DAGLB: variants seen among roughly 807,000 people sequenced by gnomAD.
DAGLB encodes diacylglycerol lipase beta.
Under a neutral mutation model 72.1 loss-of-function variants are expected in DAGLB, and 66 were observed. The observed-to-expected ratio is 0.92, with a 90% confidence interval of 0.75 to 1.12. DAGLB has a LOEUF of 1.12. DAGLB is among the 50% of genes most tolerant of loss of function. The pLI is 0.00. For synonymous variants in DAGLB, 414 were observed against 359.5 expected, an observed-to-expected ratio of 1.15 and a Z score of -1.71; for missense variants, 1,065 against 884.9, an observed-to-expected ratio of 1.20 and a Z score of -2.58.
rs1188261202 is a variant in DAGLB at position 6,425,866 on chromosome 7, G to T, written c.1056+122C>A. 19 of 1,493,304 alleles carry T rather than the reference G, an allele frequency of 1.3e-5. 1 individual carries two copies. The South Asian group carries it at 2.2e-4, about 17-fold the overall frequency. 92.5% of individuals were successfully genotyped at this position (1,493,304 alleles called of 1,614,324 possible). ...GTGGCCCCTCTGAAATAGTACACAG[G>T]ACTTAGAAGTGTGTTTGTGTGTCTA... On this transcript the variant is annotated intron_variant, in intron 7 of 14. Coordinates refer to ENST00000297056, the MANE Select transcript of DAGLB (RefSeq NM_139179.4).
chr7:6,413,236 A>G (rs1783792620), intron 11 of DAGLB, among the ~76,000 whole-genome samples: 1 of 152,310 alleles, frequency 6.6e-6, no homozygotes, highest in Non-Finnish European at 1.5e-5. Flanking sequence ...TGTGTTCAAC[A>G]GAGACGCCCC....
At chr7:6,416,810 A>T in intron 10 of DAGLB, 31 bp downstream of exon 10, 1 of 1,614,224 alleles carries the variant, frequency 6.2e-7, no homozygotes, top group Non-Finnish European at 8.5e-7. Context: ...TCCAAAGAGG[A>T]CAAGGAAAGA....
Position 6,434,785 on chromosome 7 carries a change from C to T in DAGLB, c.655G>A (p.Glu219Lys). The T allele has an allele frequency of 6.2e-7, 1 of 1,614,202 alleles. No individual in the cohort carries two copies. Among genetic ancestry groups the T allele is most frequent in the Non-Finnish European group, 8.5e-7 (1 of 1,180,046 alleles). ...HTRVAFSSTA[E>K]LFSTYFSDTD... ...ACTGAAAAGTAGGTTGAGAAAAGCT[C>T]TGCCGTACTCGAAAAAGCAACCCGA... Residue 219 changes from glutamate (E) to lysine (K), a missense_variant, in exon 4 of 15, where the codon GAG (glutamate) becomes AAG (lysine). Glu to Lys is a moderately conservative substitution (Grantham distance 56, BLOSUM62 1). Coordinates refer to ENST00000297056, the MANE Select transcript of DAGLB (RefSeq NM_139179.4).
At chr7:6,410,865 C>T (rs569393686) in intron 13 of DAGLB, among the ~76,000 whole-genome samples, 58 of 150,830 alleles carry the variant, frequency 3.8e-4, no homozygotes, top group African/African-American at 1.2e-3. Flanking sequence ...CCACCATGCC[C>T]GGCTAATTTT....
chr7:6,441,295 G>A (rs1784823515), intron 2 of DAGLB, among the ~76,000 whole-genome samples: 1 of 150,658 alleles, frequency 6.6e-6, no homozygotes, highest in Non-Finnish European at 1.5e-5. Context: ...GTTTCACCAT[G>A]TTAGCCAGGA....
chr7:6,409,720 G>A lies in DAGLB; in HGVS notation c.*117C>T, dbSNP rs956556175. The stretch of plus-strand genomic sequence containing the variant: ...AGACCATGGAATTCTGTTCCCATCC[G>A]ATTCCTGTTGATGGACATTCGCTGT... On this transcript the variant is annotated 3_prime_UTR_variant, in exon 15 of 15. Transcript: ENST00000297056. 2.1e-5 allele frequency: 25 copies of A among 1,173,172 alleles called. No homozygotes were observed. The highest frequency in any genetic ancestry group is 1.7e-4 in the African/African-American group (11 of 64,956). The allele number at this position is 1,173,172 out of a possible 1,614,324, so 72.7% of individuals were successfully genotyped here. A position where few individuals can be genotyped will look rare whatever the true frequency, so the allele number is the denominator to read the frequency against.
chr7:6,444,595 C>T (rs1363545982), intron 2 of DAGLB, among the ~76,000 whole-genome samples: 1 of 151,882 alleles, frequency 6.6e-6, no homozygotes, highest in Non-Finnish European at 1.5e-5. Context: ...GAGGGAGACT[C>T]TATCTCAAAA....
At position 6,426,027 on chromosome 7, in the gene DAGLB, C is replaced by T; in HGVS notation, c.1017G>A (p.Leu339=). 1 of 1,614,142 alleles carries T rather than the reference C, an allele frequency of 6.2e-7. No individual in the cohort carries two copies. The highest frequency in any genetic ancestry group is 8.5e-7 in the Non-Finnish European group (1 of 1,180,006). ...TGACGTGGATGAAGTCCCTGTACTG[C>T]AGCCCTGTGGTGTGCAGGATGGAGC... is the stretch of plus-strand genomic sequence containing the variant. The part of the protein sequence containing the change: ...HFGSILHTTG[L]QYRDFIHVSF... Residue 339 remains leucine (L), a synonymous_variant, in exon 7 of 15, where the codon CTG becomes CTA. Transcript: ENST00000297056.
chr7:6,410,755 C>G (rs546931031), intron 13 of DAGLB, among the ~76,000 whole-genome samples: 3 of 152,296 alleles, frequency 2.0e-5, no homozygotes, highest in Admixed American at 2.0e-4. Context: ...TTTCTATGGG[C>G]TGGAGCGCAA....
chr7:6,440,619 G>A (rs1363218262), intron 2 of DAGLB, among the ~76,000 whole-genome samples: 3 of 152,120 alleles, frequency 2.0e-5, no homozygotes, highest in African/African-American at 7.2e-5. Context: ...TATGTCGGCC[G>A]GGTGCAGTAG....
intron 3 of DAGLB, among the ~76,000 whole-genome samples, chr7:6,436,081 G>GAA (rs1363817197): frequency 8.3e-6 from 1 of 120,668 alleles, no homozygotes; most frequent in Non-Finnish European, 1.8e-5. Flanking sequence ...AAGACTTTAA[G>GAA]AAAAAAAGAA....
chr7:6,446,014 G>C lies in DAGLB; in HGVS notation c.186C>G (p.Leu62=). 1 of 1,613,790 alleles carries C rather than the reference G, an allele frequency of 6.2e-7. No individual in the cohort carries two copies. The highest frequency in any genetic ancestry group is 8.5e-7 in the Non-Finnish European group (1 of 1,179,946). Residue 62 remains leucine, a synonymous_variant, in exon 2 of 15, where the codon CTC becomes CTG. Transcript: ENST00000297056. ...GALLSSYLIV[L]MILLAVVICT... Reference sequence around the variant, plus strand: ...ATATGACAACTGCCAGGAGAATCATGAGGACGATCAAGTAACTGCTGAGCA... The same window carrying C: ...ATATGACAACTGCCAGGAGAATCATCAGGACGATCAAGTAACTGCTGAGCA...
chr7:6,412,719 T>C (rs1402685461), intron 13 of DAGLB, 92 bp downstream of exon 13: 35 of 1,407,616 alleles, frequency 2.5e-5, no homozygotes, highest in Non-Finnish European at 3.4e-5. Flanking sequence ...TAGAGTGCCC[T>C]GCACTGAGGG....
chr7:6,411,753 C>T (rs1336074544), intron 13 of DAGLB, among the ~76,000 whole-genome samples: 3 of 152,072 alleles, frequency 2.0e-5, no homozygotes, highest in African/African-American at 4.8e-5. Flanking sequence ...TCATCTCTAC[C>T]GACACTAAAC....
Position 6,423,301 on chromosome 7 carries a change from G to A in DAGLB, c.1140+1451C>T, listed in dbSNP as rs78987275. 9.9e-3 allele frequency among the ~76,000 whole-genome samples: 1,511 copies of A among 152,232 alleles called. 30 individuals carry two copies. The highest frequency in any genetic ancestry group is 0.034 in the African/African-American group (1,420 of 41,542). The stretch of plus-strand genomic sequence containing the variant: ...TGGGGAGATGAGACTAGACAAGGAC[G>A]GAGATGGGAAGCTAGAGGACTGGGG... On this transcript the variant is annotated intron_variant, in intron 8 of 14. Coordinates refer to ENST00000297056, the MANE Select transcript of DAGLB (RefSeq NM_139179.4).
chr7:6,419,081 C>CTTTTT (rs1199596102), intron 9 of DAGLB, among the ~76,000 whole-genome samples: 4 of 128,178 alleles, frequency 3.1e-5, no homozygotes, highest in East Asian at 4.8e-4. Context: ...ATGGCACTTC[C>CTTTTT]TTTTTTTTTT....
Position 6,409,694 on chromosome 7 carries a change from G to A in DAGLB, c.*143C>T, listed in dbSNP as rs1783651911. 2.0e-6 allele frequency: 2 copies of A among 981,778 alleles called. No homozygotes were observed. The highest frequency in any genetic ancestry group is 1.7e-5 in the South Asian group (1 of 59,194). The allele number at this position is 981,778 out of a possible 1,614,324, so 60.8% of individuals were successfully genotyped here. Reference sequence around the variant, plus strand: ...TGACTTCCCATAAACTTAAGTCATTGAGACCATGGAATTCTGTTCCCATCC... The same window carrying A: ...TGACTTCCCATAAACTTAAGTCATTAAGACCATGGAATTCTGTTCCCATCC... On this transcript the variant is annotated 3_prime_UTR_variant, in exon 15 of 15. Transcript: ENST00000297056.
chr7:6,433,879 T>C (rs2115279436), intron 4 of DAGLB, among the ~76,000 whole-genome samples: 1 of 151,026 alleles, frequency 6.6e-6, no homozygotes, highest in South Asian at 2.1e-4. Context: ...GACAATATAC[T>C]GGCCACTCAG....
At chr7:6,430,695 T>C in intron 5 of DAGLB, 88 bp from the exon 6 acceptor site, 1 of 1,311,030 alleles carries the variant, frequency 7.6e-7, no homozygotes, top group Non-Finnish European at 1.0e-6. Flanking sequence ...CTGAACTCAT[T>C]CCTGACTCTT....
Sources: gnomAD v4.1 joint callset for allele counts (sites outside exome capture counted in the v4.1 genomes callset) on GRCh38, gnomAD v4.1.1 for gene constraint, MANE v1.5 for transcripts, NCBI Gene and HGNC (gene_info 2026-07-23, HGNC 2026-07-21) for gene names.